Variants in GRID2 observed in about 807,000 individuals in gnomAD.
GRID2 encodes glutamate receptor ionotropic, delta-2.
GRID2 carries 33 observed loss-of-function variants against 114.8 expected under a neutral mutation model. The ratio of observed to expected loss-of-function variants is 0.29; its 90% CI spans 0.22 to 0.38. The LOEUF is 0.38. GRID2 is among the 10% of genes least tolerant of loss of function. The pLI is 1.00. For missense variants in GRID2, 1,184 were observed against 1,257.7 expected, an observed-to-expected ratio of 0.94 and a Z score of 0.89; for synonymous variants, 505 against 449.9, an observed-to-expected ratio of 1.12 and a Z score of -1.55.
intron 8 of GRID2, among the ~76,000 whole-genome samples, chr4:93,297,598 A>G (rs896886638): frequency 6.6e-6 from 1 of 152,118 alleles, no homozygotes; most frequent in Admixed American, 6.5e-5. Context: ...TCTTGAAGTA[A>G]TTATTTTATC....
At chr4:92,600,277 G>A (rs1271428537) in intron 2 of GRID2, among the ~76,000 whole-genome samples, 1 of 151,500 alleles carries the variant, frequency 6.6e-6, no homozygotes, top group Non-Finnish European at 1.5e-5. Context: ...ACTCATTCAT[G>A]TTATTAAACC....
chr4:92,414,347 A>C (rs113278457), intron 1 of GRID2, among the ~76,000 whole-genome samples: 1 of 152,196 alleles, frequency 6.6e-6, no homozygotes, highest in Non-Finnish European at 1.5e-5. Context: ...AATCTGCAAA[A>C]CTTTCGTGAT....
intron 8 of GRID2, among the ~76,000 whole-genome samples, chr4:93,296,370 C>T (rs1481460171): frequency 1.4e-5 from 2 of 138,292 alleles, no homozygotes; most frequent in Non-Finnish European, 3.1e-5. Flanking sequence ...TCTGTAGAGA[C>T]CCATTTTCCT....
At chr4:92,716,019 A>G (rs762961029) in intron 2 of GRID2, among the ~76,000 whole-genome samples, 2 of 152,226 alleles carry the variant, frequency 1.3e-5, no homozygotes, top group Non-Finnish European at 2.9e-5. Flanking sequence ...GCAGAATCAA[A>G]TGACTCCTTT....
intron 8 of GRID2, among the ~76,000 whole-genome samples, chr4:93,365,532 C>A (rs2149281839): frequency 6.6e-6 from 1 of 152,244 alleles, no homozygotes; most frequent in African/African-American, 2.4e-5. Context: ...ACTAAATCTT[C>A]CAAAACAAAA....
At chr4:93,043,097 T>A (rs1277846009) in intron 2 of GRID2, among the ~76,000 whole-genome samples, 7 of 152,166 alleles carry the variant, frequency 4.6e-5, no homozygotes, top group Non-Finnish European at 5.9e-5. Context: ...CAAGGTCTGT[T>A]AATGAATAAG....
At chr4:93,630,445 G>A (rs548596738) in intron 14 of GRID2, among the ~76,000 whole-genome samples, 3 of 152,266 alleles carry the variant, frequency 2.0e-5, no homozygotes, top group East Asian at 3.9e-4. Context: ...TAACAATGCA[G>A]AAAGCTAAAA....
chr4:92,760,246 A>G (rs1464743810), intron 2 of GRID2, among the ~76,000 whole-genome samples: 1 of 151,036 alleles, frequency 6.6e-6, no homozygotes, highest in Non-Finnish European at 1.5e-5. Context: ...TCAAAAAAAA[A>G]AAAAAAAAAA....
intron 2 of GRID2, among the ~76,000 whole-genome samples, chr4:92,877,502 A>G (rs1745718972): frequency 6.6e-6 from 1 of 152,188 alleles, no homozygotes; most frequent in Admixed American, 6.5e-5. Context: ...GGCATCATTT[A>G]TCAAAATAAT....
chr4:92,678,389 T>G (rs1733487849), intron 2 of GRID2, among the ~76,000 whole-genome samples: 1 of 152,124 alleles, frequency 6.6e-6, no homozygotes. Flanking sequence ...TTTTTTAAGT[T>G]AAATGAATAA....
At position 92,514,817 on chromosome 4, in the gene GRID2, AC is replaced by A. The variant is rs1304955359; in HGVS notation, c.89-75313del. 2.0e-5 allele frequency among the ~76,000 whole-genome samples: 3 copies of A among 152,006 alleles called. No homozygotes were observed. In the East Asian group the frequency reaches 5.9e-4, roughly 30 times the overall value. On this transcript the variant is annotated intron_variant, in intron 1 of 15. Coordinates refer to ENST00000282020, the MANE Select transcript of GRID2 (RefSeq NM_001510.4). ...CTGCTTGAATCCCTGCCTCATAGTC[AC>A]AAAGCCTGCCAGACTCCTTTGATCA...
At chr4:93,104,431 A>G (rs1035339573) in intron 3 of GRID2, among the ~76,000 whole-genome samples, 1 of 151,942 alleles carries the variant, frequency 6.6e-6, no homozygotes, top group African/African-American at 2.4e-5. Flanking sequence ...AGCATTAGGT[A>G]TATCTCCTAA....
intron 1 of GRID2, among the ~76,000 whole-genome samples, chr4:92,378,793 G>A (rs1729476009): frequency 6.6e-6 from 1 of 151,904 alleles, no homozygotes; most frequent in Non-Finnish European, 1.5e-5. Flanking sequence ...ACATAAGTAA[G>A]AATCAAAATA....
intron 11 of GRID2, among the ~76,000 whole-genome samples, chr4:93,477,935 TACTC>T (rs745341314): frequency 6.6e-6 from 1 of 152,170 alleles, no homozygotes; most frequent in African/African-American, 2.4e-5. Flanking sequence ...TTATGTGTAT[TACTC>T]ACCCATATGT....
chr4:93,278,676 C>G (rs1752331491), intron 8 of GRID2, among the ~76,000 whole-genome samples: 1 of 151,742 alleles, frequency 6.6e-6, no homozygotes, highest in South Asian at 2.1e-4. Context: ...CTGAAGAAAA[C>G]AGAATTTTAA....
At chr4:93,383,226 A>G (rs1764023893) in intron 8 of GRID2, among the ~76,000 whole-genome samples, 1 of 152,136 alleles carries the variant, frequency 6.6e-6, no homozygotes, top group Non-Finnish European at 1.5e-5. Flanking sequence ...AACAGTGACT[A>G]CCTAGCCCTT....
At position 92,436,958 on chromosome 4, in the gene GRID2, T is replaced by C. The variant is rs1316761688; in HGVS notation, c.88+132214T>C. Among the ~76,000 whole-genome samples, 3 of 152,162 alleles carry C rather than the reference T, an allele frequency of 2.0e-5. No homozygotes were observed. In the East Asian group the frequency reaches 5.8e-4, roughly 29 times the overall value. On this transcript the variant is annotated intron_variant, in intron 1 of 15. Transcript: ENST00000282020. ...GTACTAAATACAATAGTATAAAATATATTAGCAAGTTTGATTTAGCTGTAG... is the reference window on the plus strand; with the variant it reads ...GTACTAAATACAATAGTATAAAATACATTAGCAAGTTTGATTTAGCTGTAG...
chr4:92,577,362 G>A (rs1429174004), intron 1 of GRID2, among the ~76,000 whole-genome samples: 2 of 152,206 alleles, frequency 1.3e-5, no homozygotes, highest in African/African-American at 4.8e-5. Context: ...AAATGAGATT[G>A]AGTTGTTACT....
intron 12 of GRID2, among the ~76,000 whole-genome samples, chr4:93,499,038 C>T (rs774762099): frequency 2.0e-5 from 3 of 151,628 alleles, no homozygotes; most frequent in Admixed American, 6.6e-5. Context: ...TTGGTATGCT[C>T]GGGTAATTTT....
Sources: gnomAD v4.1 joint callset for allele counts (sites outside exome capture counted in the v4.1 genomes callset) on GRCh38, gnomAD v4.1.1 for gene constraint, MANE v1.5 for transcripts, NCBI Gene and HGNC (gene_info 2026-07-23, HGNC 2026-07-21) for gene names.